HIVEP3: variants seen among roughly 807,000 people sequenced by gnomAD.
HIVEP3 encodes the protein HIVEP zinc finger 3, also known as transcription factor HIVEP3.
A neutral mutation model predicts 152.8 loss-of-function variants in HIVEP3; 49 were observed. The observed-to-expected ratio is 0.32, with a 90% confidence interval of 0.26 to 0.41. HIVEP3 has a LOEUF of 0.41. HIVEP3 is among the 10% of genes least tolerant of loss of function. The pLI is 1.00. For synonymous variants in HIVEP3, 1,269 were observed against 1,289.0 expected, an observed-to-expected ratio of 0.98 and a Z score of 0.33; for missense variants, 2,790 against 3,103.3, an observed-to-expected ratio of 0.90 and a Z score of 2.40.
Position 41,873,484 on chromosome 1 carries a change from A to C in HIVEP3, c.-801+44929T>G, listed in dbSNP as rs1644117706. Among the ~76,000 whole-genome samples, 1 of 152,254 alleles carries C rather than the reference A, an allele frequency of 6.6e-6. No homozygotes were observed. Reference sequence around the variant, plus strand: ...TGTCATGTCATATAATTAGTATGGAAACTACAAAAACCTATATGTTTACAA... The same window carrying C: ...TGTCATGTCATATAATTAGTATGGACACTACAAAAACCTATATGTTTACAA... On this transcript the variant is annotated intron_variant, in intron 1 of 8. Transcript: ENST00000372583. The surrounding 1 kb of genome is among the most constrained non-coding windows in gnomAD (Gnocchi z 4.2).
intron 1 of HIVEP3, among the ~76,000 whole-genome samples, chr1:41,727,118 C>T (rs776714695): frequency 1.1e-4 from 16 of 152,184 alleles, no homozygotes; most frequent in Admixed American, 3.3e-4. Context: ...CAGGCAGGTC[C>T]GGAGATGCAG....
intron 1 of HIVEP3, among the ~76,000 whole-genome samples, chr1:41,845,250 G>A (rs1643404547): frequency 6.6e-6 from 1 of 151,966 alleles, no homozygotes; most frequent in African/African-American, 2.4e-5. Context: ...ATATCCATGA[G>A]GACAAAGAGT....
intron 1 of HIVEP3, among the ~76,000 whole-genome samples, chr1:41,779,001 T>C (rs1249854610): frequency 6.6e-6 from 1 of 152,148 alleles, no homozygotes; most frequent in African/African-American, 2.4e-5. Flanking sequence ...GAGAGACCAG[T>C]GTGGCTGAAG....
chr1:41,516,477 G>A (rs938099903), intron 7 of HIVEP3, among the ~76,000 whole-genome samples: 5 of 152,142 alleles, frequency 3.3e-5, no homozygotes, highest in Admixed American at 2.6e-4. Flanking sequence ...GCTCCTTTTC[G>A]TTCTTCCCCC....
chr1:41,626,606 G>A (rs570809594), intron 3 of HIVEP3, among the ~76,000 whole-genome samples: 2 of 152,230 alleles, frequency 1.3e-5, no homozygotes, highest in South Asian at 2.1e-4. Context: ...CTCTGCTTCT[G>A]GACTAGTTCA....
At chr1:41,677,350 A>T (rs762996023) in intron 2 of HIVEP3, among the ~76,000 whole-genome samples, 46 of 152,246 alleles carry the variant, frequency 3.0e-4, no homozygotes, top group Non-Finnish European at 6.3e-4. Flanking sequence ...CAATAGTGTG[A>T]CAGAAGACAA....
chr1:41,962,392 T>C (rs964485996), intron 1 of HIVEP3, among the ~76,000 whole-genome samples: 2 of 152,224 alleles, frequency 1.3e-5, no homozygotes, highest in African/African-American at 4.8e-5. Context: ...TCGCCCAGTG[T>C]CTTTTAAAAA....
At chr1:41,551,947 T>G (rs1643898315) in intron 5 of HIVEP3, among the ~76,000 whole-genome samples, 1 of 152,210 alleles carries the variant, frequency 6.6e-6, no homozygotes, top group Admixed American at 6.5e-5. Flanking sequence ...TTGCTCTTGC[T>G]TCTCTAGTTC....
chr1:41,584,406 C>T lies in HIVEP3; in HGVS notation c.392G>A (p.Gly131Asp). 1 of 1,613,964 alleles carries T rather than the reference C, an allele frequency of 6.2e-7. No homozygotes were observed. The highest frequency in any genetic ancestry group is 8.5e-7 in the Non-Finnish European group (1 of 1,179,956). ...ATGGAGCCCAGGGGCCACGAAGGAG[C>T]CAGAGGGTCCAGGTCTCATGGGGTC... ...LVDPMRPGPS[G>D]SFVAPGLHPQ... is the part of the protein sequence containing the mutation. Residue 131 changes from glycine (G) to aspartate (D), a missense_variant, in exon 4 of 9, where the codon GGC becomes GAC. Gly to Asp is a moderately conservative substitution (Grantham distance 94). Coordinates refer to ENST00000372583, the MANE Select transcript of HIVEP3 (RefSeq NM_024503.5). The surrounding 1 kb of genome is among the most constrained non-coding windows in gnomAD (Gnocchi z 5.2).
chr1:41,891,935 C>T (rs1178345398), intron 1 of HIVEP3, among the ~76,000 whole-genome samples: 3 of 152,228 alleles, frequency 2.0e-5, no homozygotes, highest in African/African-American at 4.8e-5. Context: ...GAGAAAGGCA[C>T]ATCGGTTCTG....
chr1:41,670,899 C>T (rs1645865183), intron 2 of HIVEP3, among the ~76,000 whole-genome samples: 1 of 152,228 alleles, frequency 6.6e-6, no homozygotes, highest in Admixed American at 6.5e-5. Flanking sequence ...AGAAGGCCCA[C>T]ACAGAGGCCT....
intron 2 of HIVEP3, among the ~76,000 whole-genome samples, chr1:41,646,623 C>T (rs1645464600): frequency 6.6e-6 from 1 of 152,144 alleles, no homozygotes; most frequent in Admixed American, 6.5e-5. Context: ...GGGTGAGGCA[C>T]AAGGCAAAGC....
intron 3 of HIVEP3, among the ~76,000 whole-genome samples, chr1:41,589,611 C>T (rs1001053511): frequency 1.3e-5 from 2 of 152,204 alleles, no homozygotes; most frequent in African/African-American, 4.8e-5. Context: ...GATGGGCTCT[C>T]TCAGGTAGAC....
At chr1:41,642,662 C>T (rs542467085) in intron 2 of HIVEP3, among the ~76,000 whole-genome samples, 1 of 152,166 alleles carries the variant, frequency 6.6e-6, no homozygotes, top group Admixed American at 6.5e-5. Context: ...GTGATGCATC[C>T]GTGTCACTCA....
chr1:41,573,763 G>A (rs1017670016), intron 5 of HIVEP3, among the ~76,000 whole-genome samples: 2 of 152,286 alleles, frequency 1.3e-5, no homozygotes, highest in South Asian at 2.1e-4. Flanking sequence ...GAGGGCGGGA[G>A]AGCTGGGGGG....
At chr1:41,782,102 C>T (rs1649081799) in intron 1 of HIVEP3, among the ~76,000 whole-genome samples, 1 of 152,254 alleles carries the variant, frequency 6.6e-6, no homozygotes, top group Non-Finnish European at 1.5e-5. Context: ...TGGATATATG[C>T]ACACTCCAGA....
chr1:41,531,729 G>A (rs1643261450), intron 5 of HIVEP3, among the ~76,000 whole-genome samples: 3 of 93,098 alleles, frequency 3.2e-5, no homozygotes, highest in African/African-American at 1.3e-4. Context: ...TGGAAGACAG[G>A]GGCGATAGAG....
chr1:41,738,334 T>C (rs867386242), intron 1 of HIVEP3, among the ~76,000 whole-genome samples: 19 of 152,294 alleles, frequency 1.2e-4, no homozygotes, highest in African/African-American at 3.9e-4. Flanking sequence ...GGTTTCTCAA[T>C]CCAGGTGGCG....
intron 3 of HIVEP3, among the ~76,000 whole-genome samples, chr1:41,601,675 C>G (rs1014138945): frequency 6.6e-6 from 1 of 152,008 alleles, no homozygotes; most frequent in Non-Finnish European, 1.5e-5. Context: ...ATTATTTTGT[C>G]TGCAAACAGG....
Sources: gnomAD v4.1 joint callset for allele counts (sites outside exome capture counted in the v4.1 genomes callset) on GRCh38, gnomAD v4.1.1 for gene constraint, Gnocchi (gnomAD v3.1) non-coding constraint, MANE v1.5 for transcripts, NCBI Gene and HGNC (gene_info 2026-07-23, HGNC 2026-07-21) for gene names.